ARMCX4: variants seen among roughly 807,000 people sequenced by gnomAD.
The protein encoded by ARMCX4 is armadillo repeat containing X-linked 4.
In ARMCX4, 3 loss-of-function variants were observed where a neutral mutation model predicts 34.7. The ratio of observed to expected loss-of-function variants is 0.09; its 90% CI spans 0.04 to 0.22. ARMCX4 has a LOEUF of 0.22. ARMCX4 is among the 10% of genes least tolerant of loss of function. The pLI, the probability that ARMCX4 is intolerant of heterozygous loss-of-function variation, is 1.00. For synonymous variants in ARMCX4, 513 were observed against 632.8 expected (o/e 0.81, Z 2.84); for missense variants, 1,448 against 1,720.8 (o/e 0.84, Z 2.81).
chrX:101,505,256 G>T (rs1354138008), exon 8 of ARMCX4: 1 of 110,797 alleles, frequency 9.0e-6, no homozygotes, highest in Non-Finnish European at 1.9e-5. Context: ...TCTTTTGCGT[G>T]TACCTGTTTC....
At chrX:101,432,682 A>G (rs1569314282) in intron 2 of ARMCX4, among the ~76,000 whole-genome samples, 1 of 107,426 alleles carries the variant, frequency 9.3e-6, no homozygotes, top group East Asian at 3.0e-4. Context: ...ATGTATATAC[A>G]TATATACGTA....
chrX:101,520,263 A>G (rs193038126), intron 11 of ARMCX4, among the ~76,000 whole-genome samples: 21 of 111,979 alleles, frequency 1.9e-4, no homozygotes, highest in African/African-American at 5.5e-4. Flanking sequence ...TTCCTTTCCA[A>G]TCAGGATGCA....
chrX:101,448,634 C>A (rs186260955), downstream of ARMCX4, among the ~76,000 whole-genome samples: 1 of 111,584 alleles, frequency 9.0e-6, no homozygotes, highest in Non-Finnish European at 1.9e-5. Context: ...ACTCTGTTGC[C>A]CAAGCTGGAG....
At chrX:101,481,190 C>T (rs782612006), upstream of ARMCX4, among the ~76,000 whole-genome samples, 12 of 112,128 alleles carry the variant, frequency 1.1e-4, no homozygotes, top group Non-Finnish European at 1.9e-4. Flanking sequence ...CTAATACAGA[C>T]GGTCCCCAAT....
chrX:101,525,780 G>T (rs1391210192), intron 11 of ARMCX4, among the ~76,000 whole-genome samples: 2 of 111,367 alleles, frequency 1.8e-5, no homozygotes, highest in African/African-American at 6.5e-5. Context: ...GAAATGAAGT[G>T]AGAAGAGAAG....
chrX:101,473,666 G>A (rs1347070018), intron 4 of ARMCX4, among the ~76,000 whole-genome samples: 2 of 104,951 alleles, frequency 1.9e-5, no homozygotes, highest in Admixed American at 2.1e-4. Flanking sequence ...ACTCAAAACC[G>A]CTCAACTACA....
At chrX:101,526,631 G>T (rs782072857) in intron 11 of ARMCX4, among the ~76,000 whole-genome samples, 3 of 111,872 alleles carry the variant, frequency 2.7e-5, no homozygotes, top group Middle Eastern at 4.6e-3. Context: ...ATAAAGGGAT[G>T]GATGAAGATC....
chrX:101,451,625 C>G (rs1203893738), downstream of ARMCX4, among the ~76,000 whole-genome samples: 2 of 111,348 alleles, frequency 1.8e-5, no homozygotes, highest in African/African-American at 6.5e-5. Flanking sequence ...ATCAGTGGAG[C>G]CTTCTATCCA....
Position 101,492,238 on chromosome X carries a change from A to G in ARMCX4, c.3649A>G (p.Asn1217Asp), listed in dbSNP as rs1349057187. The G allele has an allele frequency of 8.8e-7, 1 of 1,135,706 alleles. No individual in the cohort carries two copies. The highest frequency in any genetic ancestry group is 1.2e-6 in the Non-Finnish European group (1 of 863,204). The allele number at this position is 1,135,706 out of a possible 1,213,427, so 93.6% of individuals were successfully genotyped here. ...TGGAGGAGCCTGGACTGGGGCTGAG[A>G]ACCAGGCCAGTGGGGGGTCTTGGGC... Reference protein sequence around the residue: ...ASGGAWTGAENQASGGSWALA... With the variant: ...ASGGAWTGAEDQASGGSWALA... Residue 1217 changes from asparagine (N) to aspartate (D), a missense_variant, in exon 6 of 6, where the codon AAC (asparagine) becomes GAC (aspartate). Transcript: ENST00000423738.
intron 4 of ARMCX4, among the ~76,000 whole-genome samples, chrX:101,454,270 C>CT (rs781962059): frequency 1.5e-3 from 151 of 100,584 alleles, no homozygotes; most frequent in African/African-American, 2.8e-3. Flanking sequence ...TGGCCAATTT[C>CT]TTTTTTTTTT....
intron 12 of ARMCX4, chrX:101,532,822 A>G (rs1289936179): frequency 1.8e-5 from 2 of 111,707 alleles, no homozygotes; most frequent in Non-Finnish European, 3.8e-5. Context: ...TCCTCTGATT[A>G]TATGAAAAAT....
At chrX:101,530,763 C>G (rs1556021952) in intron 11 of ARMCX4, among the ~76,000 whole-genome samples, 2 of 111,739 alleles carry the variant, frequency 1.8e-5, no homozygotes. Flanking sequence ...AATTTGTTGC[C>G]AGTAGACATG....
At chrX:101,418,939 AGACAGCTCACCAACCGT>A (rs1929068482) in exon 2 of ARMCX4, 1 of 110,717 alleles carries the variant, frequency 9.0e-6, no homozygotes, top group African/African-American at 3.3e-5. Flanking sequence ...GATCAAGGAC[AGACAGCTCACCAACCGT>A]GACAGCACCA....
rs144752679 is a variant in ARMCX4 at position 101,438,874 on chromosome X, G to A, written n.165-5178G>A. On this transcript the variant is annotated intron_variant and non_coding_transcript_variant, in intron 2 of 3. Coordinates refer to the ARMCX4 transcript ENST00000430461. ...TGAGCCTATGTGTGTCTCTGCATGT[G>A]AGATGGGTTTCCTGAATACAGCACA... Among the ~76,000 whole-genome samples the A allele has an allele frequency of 7.7e-3, 859 of 111,266 alleles. 6 individuals are homozygous for A. The highest frequency in any genetic ancestry group is 0.027 in the African/African-American group (828 of 30,543).
In ARMCX4 at chrX:101,489,275, G is replaced by C; in HGVS notation, c.686G>C (p.Gly229Ala). The C allele has an allele frequency of 4.3e-6, 5 of 1,156,159 alleles. No individual in the cohort carries two copies. The highest frequency in any genetic ancestry group is 5.7e-6 in the Non-Finnish European group (5 of 873,013). The change falls in exon 6 of 6, where the codon GGA (glycine) becomes GCA (alanine). Residue 229 changes from glycine to alanine, a missense_variant. Physicochemically the swap from Gly to Ala is moderately conservative, Grantham distance 60 (BLOSUM62 0). This residue lies in a region of ARMCX4 where 1,343 missense variants were observed against 1,540.7 expected (regional missense o/e 0.87). Transcript: ENST00000423738. ...AAGATGGGGGCCACGAACAAGACTG[G>C]AATTGTGGATGAAACCAAGACAAGA... is the stretch of plus-strand genomic sequence containing the variant. ...VAKMGATNKTGIVDETKTRAL... is the reference protein window; with the variant it reads ...VAKMGATNKTAIVDETKTRAL...
intron 2 of ARMCX4, among the ~76,000 whole-genome samples, chrX:101,486,720 G>A (rs1556006970): frequency 9.0e-6 from 1 of 110,760 alleles, no homozygotes; most frequent in Non-Finnish European, 1.9e-5. Flanking sequence ...TTGAGCTCAG[G>A]TGTTCAAGAC....
At position 101,501,890 on chromosome X, in the gene ARMCX4, G is replaced by A. The variant is rs376487712; in HGVS notation, c.*1177+2524G>A. On this transcript the variant is annotated intron_variant and NMD_transcript_variant, in intron 7 of 12. Coordinates refer to the ARMCX4 transcript ENST00000354842. ...TTTTTGATGAGCAGGGCCATTACCA[G>A]TGCTTGGAAAACAAGTCCTGCTGAT... is the stretch of plus-strand genomic sequence containing the variant. Among the ~76,000 whole-genome samples the A allele has an allele frequency of 2.3e-4, 26 of 111,742 alleles. No individual in the cohort carries two copies. In the East Asian group the frequency reaches 6.5e-3, roughly 28 times the overall value.
intron 7 of ARMCX4, among the ~76,000 whole-genome samples, chrX:101,503,796 T>G (rs376276792): frequency 0.15 from 16,549 of 109,606 alleles, 1,200 homozygotes; most frequent in Admixed American, 0.24. Context: ...TTGAATTAGA[T>G]CCCATTTGTC....
intron 4 of ARMCX4, among the ~76,000 whole-genome samples, chrX:101,459,339 A>T (rs894040101): frequency 8.9e-6 from 1 of 111,907 alleles, no homozygotes; most frequent in Non-Finnish European, 1.9e-5. Context: ...TTCTTCTTAT[A>T]AATCTTGGCA....
Sources: gnomAD v4.1 joint callset for allele counts (sites outside exome capture counted in the v4.1 genomes callset) on GRCh38, gnomAD v4.1.1 for gene constraint, gnomAD v4.1.1 regional missense constraint, MANE v1.5 for transcripts, NCBI Gene and HGNC (gene_info 2026-07-23, HGNC 2026-07-21) for gene names.